Variants in PTOV1 observed in about 807,000 individuals in gnomAD.
PTOV1 encodes PTOV1 extended AT-hook containing adaptor protein.
PTOV1 carries 20 observed loss-of-function variants against 58.0 expected under a neutral mutation model. The ratio of observed to expected loss-of-function variants is 0.34; its 90% CI spans 0.24 to 0.50. The LOEUF is 0.50. Among genes scored for constraint, PTOV1 ranks in the 20% least tolerant of loss-of-function variants. The pLI, the probability that PTOV1 is intolerant of heterozygous loss-of-function variation, is 0.98. For missense variants in PTOV1, 593 were observed against 565.4 expected, an observed-to-expected ratio of 1.05 and a Z score of -0.50; for synonymous variants, 335 against 234.2, an observed-to-expected ratio of 1.43 and a Z score of -3.93.
rs1435190655 is a variant in PTOV1, at chr19:49,858,531, C to G, written c.937-18C>G. 1 of 1,567,360 alleles carries G rather than the reference C, an allele frequency of 6.4e-7. No individual in the cohort carries two copies. ...GGTGGGAGAAGCCAGAGCTGGGGGT[C>G]CCCTCGCTTCCCCGCAGACCACCCT... On this transcript the variant is annotated intron_variant, in intron 9 of 11. Coordinates refer to ENST00000391842, the Ensembl canonical transcript of PTOV1.
chr19:49,856,939 C>T, intron 5 of PTOV1, 36 bp from the exon 6 acceptor site: 1 of 1,609,122 alleles, frequency 6.2e-7, no homozygotes, highest in South Asian at 1.1e-5. Context: ...TGGCCCCGGG[C>T]AGTGACCACA....
chr19:49,858,203 C>G, intron 9 of PTOV1, 89 bp downstream of exon 9: 1 of 1,474,418 alleles, frequency 6.8e-7, no homozygotes, highest in Non-Finnish European at 9.2e-7. Flanking sequence ...CCCAGGTGGC[C>G]TGAGCTGGCT....
intron 10 of PTOV1, 97 bp downstream of exon 10, chr19:49,858,750 TGTCCCAGACCA>T: frequency 9.6e-7 from 1 of 1,042,312 alleles, no homozygotes; most frequent in Non-Finnish European, 1.4e-6. Flanking sequence ...CAGAGCACCA[TGTCCCAGACCA>T]GCTGGGGAGA....
At chr19:49,857,832 T>C (rs759016019) in intron 7 of PTOV1, 50 bp downstream of exon 7, 1 of 1,611,902 alleles carries the variant, frequency 6.2e-7, no homozygotes, top group African/African-American at 1.3e-5. Context: ...CCTCACGGAC[T>C]GTGGCTGGGA....
chr19:49,858,710 C>CT, intron 10 of PTOV1, 57 bp downstream of exon 10: 2 of 1,402,722 alleles, frequency 1.4e-6, no homozygotes, highest in Non-Finnish European at 2.0e-6. Context: ...CGAGCCCGGA[C>CT]CGCTCACGGG....
At chr19:49,857,589 G>T in intron 6 of PTOV1, 104 bp from the exon 7 acceptor site, 9 of 1,081,928 alleles carry the variant, frequency 8.3e-6, no homozygotes, top group Non-Finnish European at 1.2e-5. Context: ...CCCAGCTGGG[G>T]CTAACAGGCC....
chr19:49,851,276 C>G, exon 1 of PTOV1: 1 of 1,085,686 alleles, frequency 9.2e-7, no homozygotes, highest in Non-Finnish European at 1.1e-6. Context: ...GTGGAGCCCG[C>G]AGCCCCCCTT....
chr19:49,854,420 C>G (rs2074372078), exon 2 of PTOV1: 5 of 1,610,716 alleles, frequency 3.1e-6, no homozygotes, highest in Non-Finnish European at 3.4e-6. Context: ...GTGCTCGGGT[C>G]TTCGGGGCAC....
In PTOV1 at chr19:49,851,189, C is replaced by T. The variant is rs1048474778; in HGVS notation, c.-140C>T. 4.8e-5 allele frequency: 58 copies of T among 1,217,522 alleles called. No individual in the cohort carries two copies. In the African/African-American group the frequency reaches 7.8e-4, roughly 16 times the overall value. The allele number at this position is 1,217,522 out of a possible 1,614,324, so 75.4% of individuals were successfully genotyped here. ...TTCGGCCGCGGCGACCCCACTCCGG[C>T]GGCGCGTCCCCCGAGCTTGGTACGG... On this transcript the variant is annotated 5_prime_UTR_variant, in exon 1 of 12. Transcript: ENST00000391842.
exon 12 of PTOV1, chr19:49,860,703 A>G: frequency 2.9e-6 from 1 of 342,674 alleles, no homozygotes; most frequent in South Asian, 4.7e-5. Context: ...GACGGTCCCC[A>G]CCCCTCTACG....
intron 5 of PTOV1, 91 bp from the exon 6 acceptor site, chr19:49,856,884 C>T: frequency 7.4e-6 from 11 of 1,491,730 alleles, no homozygotes; most frequent in South Asian, 7.2e-5. Context: ...GATGATCTCC[C>T]TTCATCCCCT....
At chr19:49,854,106 C>T (rs966158870) in intron 1 of PTOV1, among the ~76,000 whole-genome samples, 8 of 152,354 alleles carry the variant, frequency 5.3e-5, no homozygotes, top group Admixed American at 5.2e-4. Context: ...ATCAGGCGCA[C>T]AGCTGGGGCA....
chr19:49,859,557 A>G (rs912397284), intron 10 of PTOV1, among the ~76,000 whole-genome samples: 1 of 151,258 alleles, frequency 6.6e-6, no homozygotes, highest in Non-Finnish European at 1.5e-5. Flanking sequence ...GGGCGACAAG[A>G]GCGAAACTCA....
At chr19:49,860,399 G>GGGGC in exon 12 of PTOV1, 2 of 517,956 alleles carry the variant, frequency 3.9e-6, no homozygotes, top group Non-Finnish European at 7.2e-6. Flanking sequence ...GTGGGGTTGG[G>GGGGC]AAAGAAGCAG....
chr19:49,852,127 G>GT, intron 1 of PTOV1: 1 of 954,764 alleles, frequency 1.0e-6, no homozygotes, highest in African/African-American at 1.8e-5. Flanking sequence ...TTCAGAAACC[G>GT]TAAGGTTTAC....
chr19:49,860,224 C>T lies in PTOV1; in HGVS notation c.1239+41C>T, dbSNP rs201753770. The T allele has an allele frequency of 1.9e-4, 302 of 1,613,682 alleles. No individual in the cohort carries two copies. In the African/African-American group the frequency reaches 2.9e-3, roughly 16 times the overall value. ...TCCAGGGCTGCTCAGTCTCCCTCCACCCCCGCTGCCTGCTCACCACTGGCC... is the reference window on the plus strand; with the variant it reads ...TCCAGGGCTGCTCAGTCTCCCTCCATCCCCGCTGCCTGCTCACCACTGGCC... On this transcript the variant is annotated intron_variant, in intron 11 of 11. Transcript: ENST00000391842.
chr19:49,850,800 C>G (rs1423532763), upstream of PTOV1: 3 of 1,500,352 alleles, frequency 2.0e-6, no homozygotes, highest in East Asian at 5.0e-5. Context: ...TTCCTTTGTC[C>G]CCAGGCCCAT....
chr19:49,855,497 C>T (rs1043236260), intron 5 of PTOV1: 9 of 237,010 alleles, frequency 3.8e-5, no homozygotes, highest in South Asian at 1.1e-4. Flanking sequence ...CTAACCTCCC[C>T]GAGTGGCCTG....
chr19:49,857,968 G>C, exon 8 of PTOV1: 1 of 1,613,636 alleles, frequency 6.2e-7, no homozygotes, highest in Non-Finnish European at 8.5e-7. Context: ...GTGAACCAGG[G>C]GGAGATCCTG....
Sources: gnomAD v4.1 joint callset for allele counts (sites outside exome capture counted in the v4.1 genomes callset) on GRCh38, gnomAD v4.1.1 for gene constraint, MANE v1.5 for transcripts, NCBI Gene and HGNC (gene_info 2026-07-23, HGNC 2026-07-21) for gene names.